Variants in INTS14 observed in about 807,000 individuals in gnomAD.
The protein encoded by INTS14 is UPF0464 protein C15orf44.
INTS14 carries 27 observed loss-of-function variants against 56.9 expected under a neutral mutation model. That is an observed-to-expected ratio of 0.47 (90% CI 0.35 to 0.65). The LOEUF (loss-of-function observed/expected upper bound fraction) is 0.65. INTS14 is among the 30% of genes least tolerant of loss of function. INTS14 has a pLI of 0.00. For missense variants in INTS14, 517 were observed against 632.2 expected (o/e 0.82, Z 1.95); for synonymous variants, 207 against 236.2 (o/e 0.88, Z 1.13).
Position 65,579,113 on chromosome 15 carries a change from G to A in INTS14, c.*295C>T. The A allele has an allele frequency of 3.7e-6, 1 of 267,714 alleles. No individual in the cohort carries two copies. The highest frequency in any genetic ancestry group is 8.0e-5 in the East Asian group (1 of 12,514). The allele number at this position is 267,714 out of a possible 1,614,324, so 16.6% of individuals were successfully genotyped here. A position where few individuals can be genotyped will look rare whatever the true frequency, so the allele number is the denominator to read the frequency against. On this transcript the variant is annotated 3_prime_UTR_variant, in exon 12 of 12. Coordinates refer to ENST00000313182, the MANE Select transcript of INTS14 (RefSeq NM_001394796.1). ...GGTCAGGTTTCCTGAGGAAGGCAGG[G>A]GTGCTCTATGCTCATCAGTCATTCA...
At chr15:65,610,562 A>C (rs1596279789) in intron 1 of INTS14, 2 of 1,147,206 alleles carry the variant, frequency 1.7e-6, no homozygotes, top group East Asian at 5.1e-5. Context: ...TTGAATACCA[A>C]GTGTCCATCA....
intron 3 of INTS14, among the ~76,000 whole-genome samples, chr15:65,602,630 A>G (rs897931165): frequency 2.6e-5 from 4 of 152,122 alleles, no homozygotes; most frequent in Non-Finnish European, 5.9e-5. Flanking sequence ...AACTGATTAT[A>G]AAAACAATAA....
In INTS14 at chr15:65,607,275, T is replaced by G; in HGVS notation, c.106A>C (p.Thr36Pro). The G allele has an allele frequency of 6.2e-7, 1 of 1,614,174 alleles. No homozygotes were observed. Residue 36 changes from threonine (T) to proline (P), a missense_variant, in exon 2 of 12, where the codon ACG (threonine) becomes CCG (proline). Transcript: ENST00000313182. ...QRKHLAAHGL[T>P]MLFEHMATNY... ...GTGGCCATGTGCTCAAACAGCATCG[T>G]TAAACCATGGGCTGCTAGGTGCTTA...
In INTS14 at chr15:65,598,856, C is replaced by T; in HGVS notation, c.605+16G>A. On this transcript the variant is annotated intron_variant, in intron 5 of 11. Transcript: ENST00000313182. ...GGATTGTAAAGAAGGCAAAAGAGCT[C>T]TAAGCATATACTCACCCAAACATAG... The T allele has an allele frequency of 3.2e-6, 5 of 1,581,556 alleles. No homozygotes were observed. Among genetic ancestry groups the T allele is most frequent in the Non-Finnish European group, 4.3e-6 (5 of 1,155,166 alleles).
intron 8 of INTS14, among the ~76,000 whole-genome samples, chr15:65,592,779 T>A (rs558262312): frequency 6.6e-6 from 1 of 152,216 alleles, no homozygotes; most frequent in African/African-American, 2.4e-5. Context: ...ATTTTATAGA[T>A]GAGAAGTCTG....
In INTS14 at chr15:65,579,434, A is replaced by G; in HGVS notation, c.1531T>C (p.Ser511Pro). Residue 511 changes from serine to proline, a missense_variant, in exon 12 of 12, where the codon TCT becomes CCT. Physicochemically the swap from Ser to Pro is moderately conservative, Grantham distance 74. Transcript: ENST00000313182. ...QNITPLHTDF[S>P]GSSTERI ...CAAATTCTTTCAGTGCTGCTCCCAG[A>G]GAAGTCCGTGTGCAAAGGTGTGATG... The G allele has an allele frequency of 6.2e-7, 1 of 1,613,196 alleles. No homozygotes were observed. Among genetic ancestry groups the G allele is most frequent in the Non-Finnish European group, 8.5e-7 (1 of 1,179,154 alleles).
At chr15:65,606,072 G>A (rs951385113) in intron 2 of INTS14, among the ~76,000 whole-genome samples, 20 of 151,600 alleles carry the variant, frequency 1.3e-4, no homozygotes, top group Admixed American at 3.9e-4. Flanking sequence ...TGGCTAACAC[G>A]GTGAAACCCC....
chr15:65,579,371 T>A lies in INTS14; in HGVS notation c.*37A>T. The A allele has an allele frequency of 1.3e-6, 2 of 1,595,158 alleles. No individual in the cohort carries two copies. The highest frequency in any genetic ancestry group is 4.5e-5 in the East Asian group (2 of 44,432). On this transcript the variant is annotated 3_prime_UTR_variant, in exon 12 of 12. Coordinates refer to ENST00000313182, the MANE Select transcript of INTS14 (RefSeq NM_001394796.1). ...GGTTTTTACCTAAAGCATTTTCAGT[T>A]GAAATGAAAAAAGAAGGAAAGCTCC...
At chr15:65,606,583 G>A (rs1375115706) in intron 2 of INTS14, among the ~76,000 whole-genome samples, 1 of 151,710 alleles carries the variant, frequency 6.6e-6, no homozygotes, top group Non-Finnish European at 1.5e-5. Flanking sequence ...GCTCACTATG[G>A]GTAAGACACT....
chr15:65,595,779 G>A lies in INTS14; in HGVS notation c.795C>T (p.Pro265=), dbSNP rs2073189673. ...AGACCAGATGTCTGGACAGAACTGG[G>A]GGACTTGAAATATCAGCTATATCAA... ...GFIDIADISS[P]PVLSRHLVLP... Residue 265 remains proline (P), a synonymous_variant, in exon 7 of 12, where the codon CCC becomes CCT. Coordinates refer to ENST00000313182, the MANE Select transcript of INTS14 (RefSeq NM_001394796.1). The A allele has an allele frequency of 6.2e-7, 1 of 1,609,910 alleles. No individual in the cohort carries two copies. Among genetic ancestry groups the A allele is most frequent in the Non-Finnish European group, 8.5e-7 (1 of 1,178,888 alleles).
At chr15:65,594,821 C>T (rs189160246) in intron 7 of INTS14, among the ~76,000 whole-genome samples, 2 of 152,224 alleles carry the variant, frequency 1.3e-5, no homozygotes, top group East Asian at 3.9e-4. Context: ...TAAGGGAAAT[C>T]TGGCTGTTCT....
intron 3 of INTS14, among the ~76,000 whole-genome samples, chr15:65,603,553 C>T (rs2073522705): frequency 6.6e-6 from 1 of 152,086 alleles, no homozygotes; most frequent in South Asian, 2.1e-4. Context: ...TCAAGTTATC[C>T]TCCCACCTTG....
intron 2 of INTS14, among the ~76,000 whole-genome samples, chr15:65,606,438 A>T (rs2073656459): frequency 6.6e-6 from 1 of 151,854 alleles, no homozygotes. Context: ...TATTAAAAAT[A>T]GAGACGGGAT....
At chr15:65,591,764 C>T in intron 8 of INTS14, 33 bp from the exon 9 acceptor site, 1 of 1,610,444 alleles carries the variant, frequency 6.2e-7, no homozygotes. Flanking sequence ...ATCAGAAGAA[C>T]ATCAAGCCTG....
Position 65,599,173 on chromosome 15 carries a change from T to G in INTS14, c.487-183A>C, listed in dbSNP as rs564177529. ...ACTCAAGGTTACCAAAGAGGAATGT[T>G]ACGTAAAATAACACAGGTAGAGCTA... is the stretch of plus-strand genomic sequence containing the variant. On this transcript the variant is annotated intron_variant, in intron 4 of 11. Transcript: ENST00000313182. Among the ~76,000 whole-genome samples the G allele has an allele frequency of 2.0e-5, 3 of 152,338 alleles. No homozygotes were observed. In the East Asian group the frequency reaches 5.8e-4, roughly 29 times the overall value.
intron 1 of INTS14, among the ~76,000 whole-genome samples, chr15:65,608,517 T>C (rs973128926): frequency 6.6e-6 from 1 of 152,140 alleles, no homozygotes; most frequent in African/African-American, 2.4e-5. Context: ...TAAAAAAGTT[T>C]ACAGATACAC....
At chr15:65,594,556 GTT>G (rs777652735) in intron 7 of INTS14, among the ~76,000 whole-genome samples, 13 of 126,862 alleles carry the variant, frequency 1.0e-4, no homozygotes, top group African/African-American at 2.2e-4. Flanking sequence ...CTACGCCCAG[GTT>G]TTTTTTTTTT....
rs144922003 is a variant in INTS14 at position 65,605,222 on chromosome 15, A to G, written c.237T>C (p.Asn79=). 9.9e-6 allele frequency: 16 copies of G among 1,613,232 alleles called. No individual in the cohort carries two copies. Among genetic ancestry groups the G allele is most frequent in the African/African-American group, 1.3e-5 (1 of 74,920 alleles). ...DYNTLQEALS[N]MDDYDKTCLE... is the part of the protein sequence containing the mutation. ...AGCAGGTTTTGTCATAATCATCCAT[A>G]TTACTTAGTGCTTCCTTATTGAATA... The change falls in exon 3 of 12, where the codon AAT becomes AAC. Residue 79 remains asparagine, a synonymous_variant. Transcript: ENST00000313182.
intron 9 of INTS14, among the ~76,000 whole-genome samples, chr15:65,590,515 A>C (rs763006296): frequency 1.2e-4 from 19 of 152,044 alleles, no homozygotes; most frequent in Non-Finnish European, 2.1e-4. Flanking sequence ...TTTGTGCCAC[A>C]CTTCCTTTTC....
Sources: allele counts gnomAD v4.1 joint callset (sites outside exome capture counted in the v4.1 genomes callset), GRCh38; gene constraint gnomAD v4.1.1; transcripts MANE v1.5; gene names NCBI Gene and HGNC (gene_info 2026-07-23, HGNC 2026-07-21).